PCSK2: variants seen among roughly 807,000 people sequenced by gnomAD.
The protein encoded by PCSK2 is neuroendocrine convertase 2.
PCSK2 carries 14 observed loss-of-function variants against 69.7 expected under a neutral mutation model. The observed-to-expected ratio is 0.20, with a 90% confidence interval of 0.13 to 0.31. The LOEUF (loss-of-function observed/expected upper bound fraction) is 0.31. Ranked by LOEUF, PCSK2 falls within the 10% of genes least tolerant of loss-of-function variation. PCSK2 has a pLI of 1.00. For synonymous variants in PCSK2, 307 were observed against 320.7 expected (o/e 0.96, Z 0.46); for missense variants, 544 against 842.5 (o/e 0.65, Z 4.39).
intron 1 of PCSK2, among the ~76,000 whole-genome samples, chr20:17,234,136 G>C (rs1024327630): frequency 6.6e-6 from 1 of 152,196 alleles, no homozygotes; most frequent in African/African-American, 2.4e-5. Flanking sequence ...AGTTGCTAGA[G>C]TGAATCTCTA....
At chr20:17,465,599 T>C in intron 11 of PCSK2, 46 bp downstream of exon 11, 1 of 1,177,084 alleles carries the variant, frequency 8.5e-7, no homozygotes, top group Non-Finnish European at 1.2e-6. Flanking sequence ...AAAGTGCCCC[T>C]GAGATGGCTC....
chr20:17,476,732 A>G (rs1201869991), intron 11 of PCSK2, among the ~76,000 whole-genome samples: 2 of 152,264 alleles, frequency 1.3e-5, no homozygotes, highest in Non-Finnish European at 2.9e-5. Flanking sequence ...TACCCTACAC[A>G]GCTGTCCACT....
At chr20:17,232,378 G>A (rs1004503092) in intron 1 of PCSK2, among the ~76,000 whole-genome samples, 1 of 152,178 alleles carries the variant, frequency 6.6e-6, no homozygotes, top group Non-Finnish European at 1.5e-5. Flanking sequence ...CATTCTGGTG[G>A]TATGTAGTAG....
At chr20:17,260,187 C>T (rs1014271702) in intron 1 of PCSK2, 53 bp from the exon 2 acceptor site, 3 of 1,187,808 alleles carry the variant, frequency 2.5e-6, no homozygotes, top group Admixed American at 3.4e-5. Flanking sequence ...TGTCCCTGTC[C>T]CTGGGCCAAC....
intron 2 of PCSK2, among the ~76,000 whole-genome samples, chr20:17,294,400 C>G (rs1046541229): frequency 3.3e-4 from 50 of 152,202 alleles, no homozygotes; most frequent in Admixed American, 2.8e-3. Flanking sequence ...GCCGCCGCGC[C>G]CGGCCTGCAG....
At chr20:17,444,020 A>AT (rs940495641) in intron 8 of PCSK2, among the ~76,000 whole-genome samples, 7 of 152,176 alleles carry the variant, frequency 4.6e-5, no homozygotes, top group African/African-American at 1.7e-4. Flanking sequence ...TCAAGGTGAC[A>AT]TTTTTTGGAC....
chr20:17,241,765 T>C (rs1393986071), intron 1 of PCSK2, among the ~76,000 whole-genome samples: 1 of 152,180 alleles, frequency 6.6e-6, no homozygotes, highest in African/African-American at 2.4e-5. Flanking sequence ...TCCCCTGACA[T>C]ATAAATATAT....
At chr20:17,433,812 T>TCTCTCC (rs774361715) in intron 7 of PCSK2, among the ~76,000 whole-genome samples, 3 of 104,172 alleles carry the variant, frequency 2.9e-5, no homozygotes, top group African/African-American at 4.1e-5. Context: ...TCTCTCTCTC[T>TCTCTCC]CCCCCCACTT....
intron 2 of PCSK2, among the ~76,000 whole-genome samples, chr20:17,338,458 G>A (rs1490889115): frequency 6.6e-6 from 1 of 152,034 alleles, no homozygotes; most frequent in Non-Finnish European, 1.5e-5. Context: ...GCCTCCCAAA[G>A]TGCTGAGATT....
intron 2 of PCSK2, among the ~76,000 whole-genome samples, chr20:17,337,245 C>T (rs1207268199): frequency 6.6e-6 from 1 of 152,210 alleles, no homozygotes; most frequent in Non-Finnish European, 1.5e-5. Context: ...CAAAGAACAA[C>T]AAAGGAGAAT....
chr20:17,322,707 G>A (rs1989908478), intron 2 of PCSK2, among the ~76,000 whole-genome samples: 2 of 152,138 alleles, frequency 1.3e-5, no homozygotes, highest in Non-Finnish European at 2.9e-5. Flanking sequence ...TCTACCACAG[G>A]GAAGGAACAC....
At chr20:17,317,473 C>T (rs1371511900) in intron 2 of PCSK2, among the ~76,000 whole-genome samples, 1 of 152,172 alleles carries the variant, frequency 6.6e-6, no homozygotes, top group Non-Finnish European at 1.5e-5. Context: ...ACTGTGCTGC[C>T]GCCAATTCTG....
In PCSK2 at chr20:17,369,223, T is replaced by C. The variant is rs1320355075; in HGVS notation, c.506-17T>C. The C allele has an allele frequency of 1.2e-6, 2 of 1,612,170 alleles. No individual in the cohort carries two copies. The highest frequency in any genetic ancestry group is 1.1e-5 in the South Asian group (1 of 90,912). On this transcript the variant is annotated splice_polypyrimidine_tract_variant and intron_variant, in intron 4 of 11. Coordinates refer to ENST00000262545, the MANE Select transcript of PCSK2 (RefSeq NM_002594.5). ...GTATTAACCTTTGGTTCCTGTGTTA[T>C]TGTTGTCTTTTCACAGGGATTGACT...
intron 6 of PCSK2, among the ~76,000 whole-genome samples, chr20:17,420,687 T>A (rs187345783): frequency 2.6e-5 from 4 of 152,226 alleles, no homozygotes. Flanking sequence ...GATTTTATGG[T>A]ACTCAGACGG....
chr20:17,397,776 C>A (rs2031544703), intron 5 of PCSK2, among the ~76,000 whole-genome samples: 1 of 152,170 alleles, frequency 6.6e-6, no homozygotes, highest in Non-Finnish European at 1.5e-5. Flanking sequence ...CGCCCCCGGC[C>A]AAATTCAATA....
chr20:17,269,196 G>A (rs1987760691), intron 2 of PCSK2, among the ~76,000 whole-genome samples: 1 of 152,160 alleles, frequency 6.6e-6, no homozygotes, highest in Non-Finnish European at 1.5e-5. Flanking sequence ...CAGAGTTGGA[G>A]ATATAAATTG....
chr20:17,446,654 G>T (rs760350260), intron 8 of PCSK2, among the ~76,000 whole-genome samples: 7 of 152,146 alleles, frequency 4.6e-5, no homozygotes, highest in Non-Finnish European at 8.8e-5. Flanking sequence ...AGATGTTTGT[G>T]AATAGTTTGA....
chr20:17,454,203 T>C (rs1490719153), intron 9 of PCSK2, among the ~76,000 whole-genome samples: 1 of 152,236 alleles, frequency 6.6e-6, no homozygotes, highest in African/African-American at 2.4e-5. Flanking sequence ...ATAGATTTTC[T>C]TGTTTATTGT....
intron 5 of PCSK2, among the ~76,000 whole-genome samples, chr20:17,378,368 G>A (rs1318651216): frequency 6.6e-6 from 1 of 152,090 alleles, no homozygotes; most frequent in Non-Finnish European, 1.5e-5. Flanking sequence ...CTTCCACCTA[G>A]AAGCCTAGAC....
Sources: allele counts gnomAD v4.1 joint callset (sites outside exome capture counted in the v4.1 genomes callset), GRCh38; gene constraint gnomAD v4.1.1; transcripts MANE v1.5; gene names NCBI Gene and HGNC (gene_info 2026-07-23, HGNC 2026-07-21).